Variants in SEMA4B observed in about 807,000 individuals in gnomAD.
SEMA4B encodes the protein semaphorin 4B, also known as semaphorin-4B.
A neutral mutation model predicts 88.1 loss-of-function variants in SEMA4B; 55 were observed. The ratio of observed to expected loss-of-function variants is 0.62; its 90% CI spans 0.50 to 0.78. SEMA4B has a LOEUF of 0.78. SEMA4B is among the 30% of genes least tolerant of loss of function. SEMA4B has a pLI of 0.00. For missense variants in SEMA4B, 1,062 were observed against 1,111.9 expected, an observed-to-expected ratio of 0.96 and a Z score of 0.64; for synonymous variants, 525 against 473.6, an observed-to-expected ratio of 1.11 and a Z score of -1.41.
chr15:90,208,747 TTTTTC>T (rs1961113446), intron 1 of SEMA4B, among the ~76,000 whole-genome samples: 1 of 111,022 alleles, frequency 9.0e-6, no homozygotes. Context: ...TCTTTTTTTC[TTTTTC>T]TTTTTTTTTT....
At chr15:90,214,015 G>A (rs184920383) in intron 1 of SEMA4B, among the ~76,000 whole-genome samples, 8 of 152,224 alleles carry the variant, frequency 5.3e-5, no homozygotes, top group Admixed American at 2.6e-4. Flanking sequence ...ACCCCCACCC[G>A]AGGGCTTCCT....
chr15:90,225,540 G>A, intron 11 of SEMA4B, 121 bp from the exon 12 acceptor site: 1 of 1,302,558 alleles, frequency 7.7e-7, no homozygotes, highest in Non-Finnish European at 1.1e-6. Flanking sequence ...TAGAAAGTGG[G>A]GTCGCCTGTT....
Position 90,225,063 on chromosome 15 carries a change from C to A in SEMA4B, c.1290C>A (p.Asp430Glu). ...TCCTCAAGGACCACTTCCTGATGGA[C>A]GGGCAGGTCCGAAGCCGCATGCTGC... ...LNFLKDHFLMDGQVRSRMLLL... is the reference protein window; with the variant it reads ...LNFLKDHFLMEGQVRSRMLLL... Residue 430 changes from aspartate (D) to glutamate (E), a missense_variant, in exon 10 of 14, where the codon GAC becomes GAA. Asp to Glu is a conservative substitution (Grantham distance 45, BLOSUM62 2). Transcript: ENST00000411539. 6.2e-7 allele frequency: 1 copy of A among 1,613,848 alleles called. No homozygotes were observed. Among genetic ancestry groups the A allele is most frequent in the Non-Finnish European group, 8.5e-7 (1 of 1,179,816 alleles).
intron 4 of SEMA4B, 83 bp downstream of exon 4, chr15:90,219,974 C>A: frequency 1.9e-6 from 2 of 1,066,448 alleles, no homozygotes; most frequent in East Asian, 5.0e-5. Context: ...GTAGCATAGA[C>A]CCCTGAGGAA....
Position 90,201,518 on chromosome 15 carries a change from C to A in SEMA4B, c.-61C>A. ...CGGACCGCGGGGCGGAGCTGCCGCCCGTGAGTCCGGCCGAGCCACCTGAGC... is the reference window on the plus strand; with the variant it reads ...CGGACCGCGGGGCGGAGCTGCCGCCAGTGAGTCCGGCCGAGCCACCTGAGC... On this transcript the variant is annotated 5_prime_UTR_variant, in exon 1 of 14. Transcript: ENST00000411539. 1.5e-6 allele frequency: 2 copies of A among 1,339,264 alleles called. No individual in the cohort carries two copies. The highest frequency in any genetic ancestry group is 9.5e-7 in the Non-Finnish European group (1 of 1,050,466). The allele number at this position is 1,339,264 out of a possible 1,614,324, so 83.0% of individuals were successfully genotyped here.
chr15:90,189,317 A>G (rs765589201), intron 1 of SEMA4B, among the ~76,000 whole-genome samples: 1 of 152,218 alleles, frequency 6.6e-6, no homozygotes, highest in Non-Finnish European at 1.5e-5. Context: ...ATTTCTGACT[A>G]TAGGTTGAAT....
chr15:90,189,954 C>T (rs902805646), intron 1 of SEMA4B, among the ~76,000 whole-genome samples: 19 of 152,264 alleles, frequency 1.2e-4, no homozygotes, highest in African/African-American at 2.4e-4. Context: ...CAGGGTCAGC[C>T]GTCTTTCAAG....
chr15:90,193,926 A>G (rs546387571), intron 1 of SEMA4B, among the ~76,000 whole-genome samples: 6 of 150,942 alleles, frequency 4.0e-5, no homozygotes, highest in South Asian at 4.2e-4. Context: ...ATCTTGGCTC[A>G]CTACAACCTC....
intron 1 of SEMA4B, 30 bp from the exon 2 acceptor site, chr15:90,217,409 C>T (rs757957091): frequency 6.3e-7 from 1 of 1,598,676 alleles, no homozygotes; most frequent in African/African-American, 1.3e-5. Flanking sequence ...GAGGGGTGGC[C>T]CCAGGTAATA....
intron 1 of SEMA4B, chr15:90,206,769 C>T: frequency 2.7e-6 from 2 of 754,068 alleles, no homozygotes; most frequent in East Asian, 2.5e-5. Context: ...TTGGTGGAAG[C>T]CCTTTGTGCT....
chr15:90,193,326 T>G (rs1596117341), intron 1 of SEMA4B: 1 of 152,184 alleles, frequency 6.6e-6, no homozygotes, highest in African/African-American at 2.4e-5. Context: ...ATCAGCACAC[T>G]AACGGAAGAA....
At chr15:90,205,576 T>A (rs1960948130) in intron 1 of SEMA4B, among the ~76,000 whole-genome samples, 2 of 152,228 alleles carry the variant, frequency 1.3e-5, no homozygotes, top group Non-Finnish European at 2.9e-5. Flanking sequence ...CTTCACAGTG[T>A]TCTGAGAGGA....
At position 90,228,484 on chromosome 15, in the gene SEMA4B, A is replaced by G; in HGVS notation, c.2355A>G (p.Arg785=). The change falls in exon 14 of 14, where the codon CGA becomes CGG. Residue 785 remains arginine, a synonymous_variant. Transcript: ENST00000411539. ...LGPPSTPLDH[R]GYQSLSDSPP... is the part of the protein sequence containing the mutation. Reference sequence around the variant, plus strand: ...CCCCTAGCACCCCGCTCGATCACCGAGGGTACCAGTCCCTGTCAGACAGCC... The same window carrying G: ...CCCCTAGCACCCCGCTCGATCACCGGGGGTACCAGTCCCTGTCAGACAGCC... 6.2e-7 allele frequency: 1 copy of G among 1,610,424 alleles called. No homozygotes were observed. Among genetic ancestry groups the G allele is most frequent in the Non-Finnish European group, 8.5e-7 (1 of 1,178,942 alleles).
chr15:90,188,613 A>G (rs1288390676), intron 1 of SEMA4B, among the ~76,000 whole-genome samples: 1 of 152,044 alleles, frequency 6.6e-6, no homozygotes, highest in Non-Finnish European at 1.5e-5. Context: ...GGACGACAGA[A>G]CAAGACTCCG....
chr15:90,202,969 C>T (rs954469099), intron 1 of SEMA4B, among the ~76,000 whole-genome samples: 8 of 152,214 alleles, frequency 5.3e-5, no homozygotes, highest in Admixed American at 6.5e-5. Flanking sequence ...GGTTCAAATG[C>T]TACCTCAGCC....
chr15:90,221,725 T>C lies in SEMA4B; in HGVS notation c.821T>C (p.Phe274Ser). The C allele has an allele frequency of 6.2e-7, 1 of 1,613,968 alleles. No homozygotes were observed. The highest frequency in any genetic ancestry group is 8.5e-7 in the Non-Finnish European group (1 of 1,179,892). Residue 274 changes from phenylalanine to serine, a missense_variant, in exon 7 of 14, where the codon TTT becomes TCT. Physicochemically the swap from Phe to Ser is radical, Grantham distance 155. Transcript: ENST00000411539. ...FSETGQEFEFFENTIVSRIAR... is the reference protein window; with the variant it reads ...FSETGQEFEFSENTIVSRIAR... ...GAGACTGGCCAGGAATTTGAGTTCT[T>C]TGAGAACACCATTGTGTCCCGCATT...
At chr15:90,223,766 A>T (rs116298252) in intron 8 of SEMA4B, 26 bp downstream of exon 8, 2 of 1,603,402 alleles carry the variant, frequency 1.2e-6, no homozygotes, top group South Asian at 1.1e-5. Flanking sequence ...CTCGCTGGAG[A>T]TGGAAGGGTG....
upstream of SEMA4B, among the ~76,000 whole-genome samples, chr15:90,196,700 G>C (rs1201365526): frequency 1.3e-5 from 2 of 151,904 alleles, no homozygotes; most frequent in African/African-American, 4.8e-5. Context: ...TGTTAGCCAG[G>C]ATGGTCTCGA....
At chr15:90,225,594 CGGG>C (rs2151626898) in intron 11 of SEMA4B, 64 bp from the exon 12 acceptor site, 2 of 1,517,008 alleles carry the variant, frequency 1.3e-6, no homozygotes, top group East Asian at 4.9e-5. Context: ...GCATACAAGC[CGGG>C]TGGCCATGGG....
Sources: allele counts gnomAD v4.1 joint callset (sites outside exome capture counted in the v4.1 genomes callset), GRCh38; gene constraint gnomAD v4.1.1; transcripts MANE v1.5; gene names NCBI Gene and HGNC (gene_info 2026-07-23, HGNC 2026-07-21).